Variants in GLIS3 observed in about 807,000 individuals in gnomAD.
GLIS3 encodes zinc finger protein GLIS3.
In GLIS3, 53 loss-of-function variants were observed where a neutral mutation model predicts 78.6. That is an observed-to-expected ratio of 0.67 (90% CI 0.54 to 0.85). The LOEUF (loss-of-function observed/expected upper bound fraction) is 0.85. GLIS3 is among the 40% of genes least tolerant of loss of function. The pLI, the probability that GLIS3 is intolerant of heterozygous loss-of-function variation, is 0.00. For synonymous variants in GLIS3, 684 were observed against 509.9 expected, an observed-to-expected ratio of 1.34 and a Z score of -4.60; for missense variants, 1,703 against 1,231.1, an observed-to-expected ratio of 1.38 and a Z score of -5.74.
At chr9:4,012,295 G>A (rs1031659330) in intron 4 of GLIS3, among the ~76,000 whole-genome samples, 1 of 152,108 alleles carries the variant, frequency 6.6e-6, no homozygotes, top group Non-Finnish European at 1.5e-5. Context: ...TAAACAAACC[G>A]ATGAATTTCT....
chr9:4,452,187 T>A, the GLIS3 span, among the ~76,000 whole-genome samples: 1 of 151,752 alleles, frequency 6.6e-6, no homozygotes, highest in Non-Finnish European at 1.5e-5. Flanking sequence ...ATAATAAGAG[T>A]TATTTATGAC....
chr9:3,864,001 T>C (rs1162575173), intron 8 of GLIS3, among the ~76,000 whole-genome samples: 4 of 152,120 alleles, frequency 2.6e-5, no homozygotes, highest in Non-Finnish European at 4.4e-5. Context: ...TGGCTGTGAC[T>C]CAGTTGTTTG....
chr9:4,474,659 T>A, the GLIS3 span, among the ~76,000 whole-genome samples: 2 of 151,864 alleles, frequency 1.3e-5, no homozygotes, highest in African/African-American at 2.4e-5. Context: ...ATTTTTTTTA[T>A]TTTTTCTTTT....
intron 4 of GLIS3, among the ~76,000 whole-genome samples, chr9:4,059,121 A>G (rs768852028): frequency 2.6e-5 from 4 of 152,186 alleles, no homozygotes; most frequent in Non-Finnish European, 5.9e-5. Flanking sequence ...AATCAGATTC[A>G]AATCACCACT....
the GLIS3 span, among the ~76,000 whole-genome samples, chr9:4,432,210 A>C: frequency 6.6e-6 from 1 of 151,170 alleles, no homozygotes; most frequent in Non-Finnish European, 1.5e-5. Flanking sequence ...TACAAAGGTC[A>C]GTGTATAGGA....
At chr9:4,152,392 A>T (rs2131044264) in intron 2 of GLIS3, among the ~76,000 whole-genome samples, 1 of 152,320 alleles carries the variant, frequency 6.6e-6, no homozygotes, top group African/African-American at 2.4e-5. Context: ...AAACACAATA[A>T]CAAGGTTTAC....
At chr9:3,960,016 G>T (rs1416139105) in intron 4 of GLIS3, among the ~76,000 whole-genome samples, 1 of 152,192 alleles carries the variant, frequency 6.6e-6, no homozygotes, top group Non-Finnish European at 1.5e-5. Flanking sequence ...GCCAGGCATG[G>T]TGGTGTGCAC....
chr9:4,034,653 ATTGT>A (rs780898569), intron 4 of GLIS3: 1 of 152,188 alleles, frequency 6.6e-6, no homozygotes, highest in Admixed American at 6.5e-5. Context: ...TCTTCAAGAA[ATTGT>A]TTGGGGAGCC....
intron 1 of GLIS3, among the ~76,000 whole-genome samples, chr9:4,295,710 G>T (rs1816419783): frequency 6.6e-6 from 1 of 152,188 alleles, no homozygotes; most frequent in South Asian, 2.1e-4. Context: ...ATGTGGGTGT[G>T]TTCCACTTGC....
chr9:4,024,645 C>T (rs1823172268), intron 4 of GLIS3, among the ~76,000 whole-genome samples: 2 of 152,168 alleles, frequency 1.3e-5, no homozygotes, highest in African/African-American at 4.8e-5. Flanking sequence ...GGGAGGAGGT[C>T]TGCTCTTCCT....
chr9:4,342,267 G>T (rs1012359683), intron 2 of GLIS3, among the ~76,000 whole-genome samples: 4 of 152,070 alleles, frequency 2.6e-5, no homozygotes. Flanking sequence ...TAATTTTTGT[G>T]TATGATGAAA....
chr9:4,436,728 C>A, the GLIS3 span, among the ~76,000 whole-genome samples: 1 of 148,594 alleles, frequency 6.7e-6, no homozygotes, highest in Non-Finnish European at 1.5e-5. Context: ...ATTGCTTGAA[C>A]CCAGGAGGCA....
intron 5 of GLIS3, among the ~76,000 whole-genome samples, chr9:3,934,153 A>C (rs1825766224): frequency 6.6e-6 from 1 of 152,120 alleles, no homozygotes; most frequent in Non-Finnish European, 1.5e-5. Flanking sequence ...GTAAGCAAAG[A>C]TTTTCTTTAA....
intron 2 of GLIS3, among the ~76,000 whole-genome samples, chr9:4,237,648 G>T (rs185908956): frequency 3.8e-4 from 58 of 152,296 alleles, no homozygotes; most frequent in African/African-American, 1.4e-3. Context: ...TGTACATTTA[G>T]AAGTACAGTT....
intron 2 of GLIS3, among the ~76,000 whole-genome samples, chr9:4,283,958 G>A (rs895893719): frequency 6.6e-6 from 1 of 152,182 alleles, no homozygotes; most frequent in African/African-American, 2.4e-5. Flanking sequence ...AGCTGAGCAA[G>A]GAAACAAAAA....
intron 2 of GLIS3, among the ~76,000 whole-genome samples, chr9:4,245,684 G>C (rs1444443582): frequency 6.6e-6 from 1 of 152,108 alleles, no homozygotes. Flanking sequence ...CAATGTTTGA[G>C]GTGATGGATA....
At chr9:4,302,396 C>T (rs1257966806), upstream of GLIS3, among the ~76,000 whole-genome samples, 1 of 152,176 alleles carries the variant, frequency 6.6e-6, no homozygotes, top group Non-Finnish European at 1.5e-5. Context: ...GTCCAGTTCT[C>T]ATTCATCAGA....
chr9:4,154,200 G>A (rs1337890902), intron 2 of GLIS3, among the ~76,000 whole-genome samples: 8 of 152,118 alleles, frequency 5.3e-5, no homozygotes, highest in Non-Finnish European at 1.0e-4. Context: ...GTATGTAATT[G>A]GCCCAAACAG....
intron 4 of GLIS3, among the ~76,000 whole-genome samples, chr9:4,051,256 G>A (rs776597872): frequency 2.9e-4 from 44 of 152,180 alleles, no homozygotes; most frequent in Non-Finnish European, 5.1e-4. Context: ...TGCTTATTTC[G>A]AATGTGGAAT....
Sources: allele counts gnomAD v4.1 joint callset (sites outside exome capture counted in the v4.1 genomes callset), GRCh38; gene constraint gnomAD v4.1.1; transcripts MANE v1.5; gene names NCBI Gene and HGNC (gene_info 2026-07-23, HGNC 2026-07-21).